Variants in CLDN14 observed in about 807,000 individuals in gnomAD.
CLDN14 encodes the protein claudin 14.
CLDN14 carries 2 observed loss-of-function variants against 2.1 expected under a neutral mutation model. The ratio of observed to expected loss-of-function variants is 0.96; its 90% CI spans 0.39 to 3.01. CLDN14 has a LOEUF of 3.01. Among genes scored for constraint, CLDN14 ranks in the 30% most tolerant of loss-of-function variants. CLDN14 has a pLI of 0.09. For missense variants in CLDN14, 298 were observed against 328.0 expected (o/e 0.91, Z 0.71); for synonymous variants, 136 against 154.4 (o/e 0.88, Z 0.88).
At chr21:36,525,678 T>C (rs2087321079) in intron 1 of CLDN14, among the ~76,000 whole-genome samples, 1 of 152,132 alleles carries the variant, frequency 6.6e-6, no homozygotes, top group Non-Finnish European at 1.5e-5. Flanking sequence ...GGCAGCCACA[T>C]GTGTGGTGTG....
chr21:36,570,969 G>A (rs2087705769), intron 1 of CLDN14, among the ~76,000 whole-genome samples: 1 of 152,176 alleles, frequency 6.6e-6, no homozygotes, highest in African/African-American at 2.4e-5. Context: ...AGCCTCCTGA[G>A]TAGCTGGGAT....
intron 1 of CLDN14, among the ~76,000 whole-genome samples, chr21:36,522,669 A>G (rs1235182225): frequency 6.6e-6 from 1 of 152,248 alleles, no homozygotes; most frequent in Non-Finnish European, 1.5e-5. Context: ...CCGGAGCCCA[A>G]CACATAAATT....
chr21:36,570,982 C>T (rs1200463961), intron 1 of CLDN14, among the ~76,000 whole-genome samples: 1 of 152,202 alleles, frequency 6.6e-6, no homozygotes, highest in African/African-American at 2.4e-5. Flanking sequence ...GCTGGGATTA[C>T]AGGCACTCGC....
intron 2 of CLDN14, among the ~76,000 whole-genome samples, chr21:36,500,233 C>T (rs920263155): frequency 1.3e-5 from 2 of 152,096 alleles, no homozygotes; most frequent in Non-Finnish European, 2.9e-5. Context: ...CTGGGTTGGG[C>T]TTCCCTGTAC....
At chr21:36,493,322 C>T (rs1350722717) in intron 2 of CLDN14, among the ~76,000 whole-genome samples, 4 of 152,090 alleles carry the variant, frequency 2.6e-5, no homozygotes, top group Non-Finnish European at 1.5e-5. Flanking sequence ...CTTCTGCCTT[C>T]CCTGGGAGGC....
chr21:36,532,570 C>T (rs1157122035), intron 1 of CLDN14, among the ~76,000 whole-genome samples: 1 of 151,592 alleles, frequency 6.6e-6, no homozygotes, highest in East Asian at 1.9e-4. Context: ...ATGTTGTGCA[C>T]ATGTACCCTA....
chr21:36,477,717 A>G (rs1053053340), intron 1 of CLDN14, among the ~76,000 whole-genome samples: 1 of 152,154 alleles, frequency 6.6e-6, no homozygotes, highest in Non-Finnish European at 1.5e-5. Flanking sequence ...CTGTCTTTTT[A>G]TAGAGTCACC....
chr21:36,525,076 A>G (rs2087313183), intron 1 of CLDN14, among the ~76,000 whole-genome samples: 2 of 152,184 alleles, frequency 1.3e-5, no homozygotes, highest in Admixed American at 6.5e-5. Flanking sequence ...GGGCTCCCTC[A>G]CGGAGGGTGA....
chr21:36,554,171 G>A (rs2087582287), intron 1 of CLDN14, among the ~76,000 whole-genome samples: 1 of 152,088 alleles, frequency 6.6e-6, no homozygotes, highest in Non-Finnish European at 1.5e-5. Flanking sequence ...CTGCTGTTTT[G>A]ACATTTGGAG....
intron 1 of CLDN14, among the ~76,000 whole-genome samples, chr21:36,525,091 C>A (rs1303075091): frequency 1.3e-5 from 2 of 152,166 alleles, no homozygotes; most frequent in Non-Finnish European, 2.9e-5. Context: ...GGGTGAACAC[C>A]AAGGCCCACC....
intron 2 of CLDN14, chr21:36,486,689 A>T (rs2086901103): frequency 7.6e-7 from 1 of 1,311,666 alleles, no homozygotes; most frequent in East Asian, 2.3e-5. Context: ...TATCATGTCA[A>T]CATTTACTTT....
intron 1 of CLDN14, among the ~76,000 whole-genome samples, chr21:36,540,487 A>G (rs2087479807): frequency 6.6e-6 from 1 of 152,202 alleles, no homozygotes; most frequent in Non-Finnish European, 1.5e-5. Context: ...TGTTCCAGAA[A>G]AGAAATCAAT....
chr21:36,463,977 G>A (rs1395746291), intron 1 of CLDN14, among the ~76,000 whole-genome samples: 2 of 152,210 alleles, frequency 1.3e-5, no homozygotes, highest in Non-Finnish European at 2.9e-5. Context: ...GACTGAAGGT[G>A]TGTCCAGGTG....
Position 36,491,207 on chromosome 21 carries a change from G to A in CLDN14, c.-82+19156C>T, listed in dbSNP as rs2086961071. Among the ~76,000 whole-genome samples the A allele has an allele frequency of 1.3e-5, 2 of 152,204 alleles. 1 individual carries two copies. The highest frequency in any genetic ancestry group is 1.3e-4 in the Admixed American group (2 of 15,274). On this transcript the variant is annotated intron_variant, in intron 2 of 2. Coordinates refer to the CLDN14 transcript ENST00000342108. ...GATTAAAGGGCTCAGCTCTGGTGCA[G>A]GAACTAGGATCCCCAGATATCCTGA... is the stretch of plus-strand genomic sequence containing the variant.
chr21:36,487,867 G>C (rs571225405), intron 2 of CLDN14: 1 of 152,278 alleles, frequency 6.6e-6, no homozygotes, highest in East Asian at 1.9e-4. Flanking sequence ...TAACCTTTTG[G>C]ATGAGACAGA....
chr21:36,500,772 T>G (rs1323719246), intron 2 of CLDN14, among the ~76,000 whole-genome samples: 1 of 152,264 alleles, frequency 6.6e-6, no homozygotes, highest in Non-Finnish European at 1.5e-5. Flanking sequence ...TTACATATTT[T>G]CTTTTCTTTT....
intron 1 of CLDN14, among the ~76,000 whole-genome samples, chr21:36,552,582 G>A (rs543288363): frequency 3.9e-5 from 6 of 152,290 alleles, no homozygotes; most frequent in South Asian, 4.1e-4. Context: ...GTTGAATTAA[G>A]GCTCATAACT....
At chr21:36,575,596 C>T (rs2087736669) in intron 1 of CLDN14, among the ~76,000 whole-genome samples, 1 of 152,212 alleles carries the variant, frequency 6.6e-6, no homozygotes, top group African/African-American at 2.4e-5. Context: ...CACTGCTGTG[C>T]ACTGTGTCTG....
chr21:36,575,268 A>G (rs1601642432), intron 1 of CLDN14, among the ~76,000 whole-genome samples: 1 of 152,186 alleles, frequency 6.6e-6, no homozygotes, highest in East Asian at 1.9e-4. Context: ...AGGGGTGCCA[A>G]ACTGTGATAC....
Sources: gnomAD v4.1 joint callset for allele counts (sites outside exome capture counted in the v4.1 genomes callset) on GRCh38, gnomAD v4.1.1 for gene constraint, MANE v1.5 for transcripts, NCBI Gene and HGNC (gene_info 2026-07-23, HGNC 2026-07-21) for gene names.